Variants in LRCOL1 observed in about 807,000 individuals in gnomAD.
LRCOL1 encodes the protein leucine-rich colipase-like protein 1.
LRCOL1 carries 21 observed loss-of-function variants against 21.6 expected under a neutral mutation model. That is an observed-to-expected ratio of 0.97 (90% CI 0.69 to 1.40). The LOEUF (loss-of-function observed/expected upper bound fraction) is 1.40, where lower values mean the gene tolerates loss of function less well. Ranked by LOEUF, LRCOL1 falls within the 40% of genes most tolerant of loss-of-function variation. The pLI is 0.00. For missense variants in LRCOL1, 198 were observed against 202.3 expected (o/e 0.98, Z 0.13); for synonymous variants, 98 against 90.1 (o/e 1.09, Z -0.49).
In LRCOL1 at chr12:132,606,127, CAG is replaced by C; in HGVS notation, c.105+18_105+19del. ...GCGCGTGTGGGGCCTGCAGGGGCAT[CAG>C]GGGTGCCCGGCACCCACCTTATGGG... On this transcript the variant is annotated intron_variant, in intron 2 of 5. Coordinates refer to ENST00000376608, the MANE Select transcript of LRCOL1 (RefSeq NM_001195520.2). This position sits in a 1 kb window ranked among gnomAD's most constrained non-coding sequence, Gnocchi z 4.6. The C allele has an allele frequency of 6.5e-7, 1 of 1,533,456 alleles. No individual in the cohort carries two copies. The highest frequency in any genetic ancestry group is 8.7e-7 in the Non-Finnish European group (1 of 1,144,526). 95.0% of individuals were successfully genotyped at this position (1,533,456 alleles called of 1,614,324 possible). A position where few individuals can be genotyped will look rare whatever the true frequency, so the allele number is the denominator to read the frequency against.
rs994030696 is a variant in LRCOL1 at position 132,604,445 on chromosome 12, G to A, written c.354+17C>T. On this transcript the variant is annotated intron_variant, in intron 4 of 5. Transcript: ENST00000376608. Reference sequence around the variant, plus strand: ...CGGCTACCCCTGCTCCATCTGCCCCGGGTGCCCGCAGCTCACCTTGCGCCA... The same window carrying A: ...CGGCTACCCCTGCTCCATCTGCCCCAGGTGCCCGCAGCTCACCTTGCGCCA... The A allele has an allele frequency of 6.5e-6, 10 of 1,528,488 alleles. No homozygotes were observed. In the African/African-American group the frequency reaches 8.7e-5, roughly 13 times the overall value. 94.7% of individuals were successfully genotyped at this position (1,528,488 alleles called of 1,614,324 possible).
intron 2 of LRCOL1, chr12:132,605,914 C>T (rs933596073): frequency 3.0e-5 from 16 of 539,394 alleles, no homozygotes; most frequent in African/African-American, 2.3e-4. Flanking sequence ...CTGGGGTCGC[C>T]GTCCCATAGC....
chr12:132,606,873 T>A lies in LRCOL1; in HGVS notation c.-13-609A>T, dbSNP rs1159917168. On this transcript the variant is annotated intron_variant, in intron 1 of 5. Coordinates refer to ENST00000376608, the MANE Select transcript of LRCOL1 (RefSeq NM_001195520.2). This position sits in a 1 kb window ranked among gnomAD's most constrained non-coding sequence, Gnocchi z 4.6. ...TCGTGGCATAATGACTCATTTCTTT[T>A]TAGCACTGCATGGAAAATGGATTTT... Among the ~76,000 whole-genome samples, 2 of 133,496 alleles carry A rather than the reference T, an allele frequency of 1.5e-5. No homozygotes were observed. The highest frequency in any genetic ancestry group is 5.0e-5 in the African/African-American group (2 of 40,224). The allele number at this position is 133,496 out of a possible 152,430, so 87.6% of individuals were successfully genotyped here. A position where few individuals can be genotyped will look rare whatever the true frequency, so the allele number is the denominator to read the frequency against.
chr12:132,604,797 C>A lies in LRCOL1; in HGVS notation c.140G>T (p.Cys47Phe), dbSNP rs1345192228. ...GTTGATGGTACAGCAGTTGCTCTGG[C>A]ACTCCTCGTGTCTCCTGCATGGCTC... Reference protein sequence around the residue: ...IGEPCRRHEECQSNCCTINSL... With the variant: ...IGEPCRRHEEFQSNCCTINSL... The change falls in exon 3 of 6, where the codon TGC becomes TTC. Residue 47 changes from cysteine (C) to phenylalanine (F), a missense_variant. Cys to Phe is a radical substitution (Grantham distance 205, BLOSUM62 -2). Coordinates refer to ENST00000376608, the MANE Select transcript of LRCOL1 (RefSeq NM_001195520.2). 1 of 1,536,026 alleles carries A rather than the reference C, an allele frequency of 6.5e-7. No individual in the cohort carries two copies. Among genetic ancestry groups the A allele is most frequent in the East Asian group, 2.4e-5 (1 of 40,924 alleles).
intron 2 of LRCOL1, 187 bp from the exon 3 acceptor site, chr12:132,605,018 G>A (rs2041285801): frequency 7.0e-6 from 10 of 1,421,666 alleles, no homozygotes; most frequent in Non-Finnish European, 9.2e-6. Flanking sequence ...GGGGCCCGGG[G>A]CTGAGAAAGG....
chr12:132,603,467 G>T (rs2041252417), intron 5 of LRCOL1, 63 bp from the exon 6 acceptor site: 1 of 1,535,746 alleles, frequency 6.5e-7, no homozygotes, highest in Non-Finnish European at 8.7e-7. Flanking sequence ...GCCGCGGAAG[G>T]AGGACGGGAA....
At chr12:132,605,970 C>G in intron 2 of LRCOL1, 177 bp downstream of exon 2, 1 of 621,654 alleles carries the variant, frequency 1.6e-6, no homozygotes, top group Non-Finnish European at 2.8e-6. Flanking sequence ...GCCAGGAGAG[C>G]GAGTGCAGCC....
chr12:132,608,822 A>G (rs960678325), intron 1 of LRCOL1, among the ~76,000 whole-genome samples: 1 of 152,186 alleles, frequency 6.6e-6, no homozygotes, highest in Admixed American at 6.5e-5. Context: ...TCTTTCCTGT[A>G]CTTGGAACCA....
rs1294683844 is a variant in LRCOL1, at chr12:132,605,155, G to A, written c.106-324C>T. The A allele has an allele frequency of 3.5e-6, 4 of 1,150,096 alleles. No individual in the cohort carries two copies. The South Asian group carries it at 6.7e-5, about 19-fold the overall frequency. 71.2% of individuals were successfully genotyped at this position (1,150,096 alleles called of 1,614,324 possible). ...TGGCATTTTACAGGAGAAGAAACAG[G>A]CTCAGGGAAGGCGAGCAAGGTGCCC... On this transcript the variant is annotated intron_variant, in intron 2 of 5. Transcript: ENST00000376608.
rs2041251344 is a variant in LRCOL1 at position 132,603,420 on chromosome 12, A to G, written c.478-16T>C. 1 of 1,536,074 alleles carries G rather than the reference A, an allele frequency of 6.5e-7. No homozygotes were observed. The highest frequency in any genetic ancestry group is 2.0e-5 in the Admixed American group (1 of 50,986). On this transcript the variant is annotated splice_polypyrimidine_tract_variant and intron_variant, in intron 5 of 5. Transcript: ENST00000376608. ...GCTCACATCACTGAAGGAGAAGCCA[A>G]AGCTGAGGAAACGTGCAGGGGACGG...
Position 132,603,331 on chromosome 12 carries a change from C to G in LRCOL1, c.*71G>C. The G allele has an allele frequency of 2.0e-6, 3 of 1,531,948 alleles. No individual in the cohort carries two copies. The highest frequency in any genetic ancestry group is 2.6e-6 in the Non-Finnish European group (3 of 1,143,548). The allele number at this position is 1,531,948 out of a possible 1,614,324, so 94.9% of individuals were successfully genotyped here. On this transcript the variant is annotated 3_prime_UTR_variant, in exon 6 of 6. Transcript: ENST00000376608. Reference sequence around the variant, plus strand: ...GGGAAGCTTCCGCTGGAACCAGCCCCCGCGCAACGCGGTCCTGCGTGAACA... The same window carrying G: ...GGGAAGCTTCCGCTGGAACCAGCCCGCGCGCAACGCGGTCCTGCGTGAACA...
At chr12:132,607,533 C>T (rs1187311055) in intron 1 of LRCOL1, among the ~76,000 whole-genome samples, 1 of 152,264 alleles carries the variant, frequency 6.6e-6, no homozygotes, top group African/African-American at 2.4e-5. Flanking sequence ...TGTGAGACCA[C>T]ATATCACTCA....
At chr12:132,608,871 C>G (rs1169160156) in intron 1 of LRCOL1, among the ~76,000 whole-genome samples, 1 of 152,186 alleles carries the variant, frequency 6.6e-6, no homozygotes, top group East Asian at 1.9e-4. Flanking sequence ...TTTCGTAGGT[C>G]CTTGCAAAGT....
At chr12:132,609,653 C>T (rs188809051) in intron 1 of LRCOL1, among the ~76,000 whole-genome samples, 2 of 152,268 alleles carry the variant, frequency 1.3e-5, no homozygotes, top group Admixed American at 6.5e-5. Flanking sequence ...GCCGAGATCA[C>T]ACCACTACAT....
At position 132,604,466 on chromosome 12, in the gene LRCOL1, C is replaced by G. The variant is rs756009698; in HGVS notation, c.350G>C (p.Arg117Pro). 5.2e-6 allele frequency: 8 copies of G among 1,535,134 alleles called. No homozygotes were observed. The Admixed American group carries it at 1.4e-4, about 26-fold the overall frequency. Residue 117 changes from arginine (R) to proline (P), a missense_variant, in exon 4 of 6, where the codon CGC becomes CCC. Coordinates refer to ENST00000376608, the MANE Select transcript of LRCOL1 (RefSeq NM_001195520.2). Reference protein sequence around the residue: ...QSVFLQCVPWRKPNGDFCSSH... With the variant: ...QSVFLQCVPWPKPNGDFCSSH... ...CCCCGGGTGCCCGCAGCTCACCTTG[C>G]GCCAGGGCACACACTGCAGGAAGAC... is the stretch of plus-strand genomic sequence containing the variant.
At chr12:132,603,766 ACCTGGCCCCCTCC>A in intron 5 of LRCOL1, 1 of 985,324 alleles carries the variant, frequency 1.0e-6, no homozygotes, top group Non-Finnish European at 1.2e-6. Flanking sequence ...GCCGCTGGCG[ACCTGGCCCCCTCC>A]CCTGGCCCCA....
At chr12:132,608,771 G>T (rs1007367751) in intron 1 of LRCOL1, among the ~76,000 whole-genome samples, 24 of 152,206 alleles carry the variant, frequency 1.6e-4, no homozygotes, top group African/African-American at 5.5e-4. Flanking sequence ...AAGCTAAATT[G>T]AATCACAACT....
intron 2 of LRCOL1, 170 bp from the exon 3 acceptor site, chr12:132,605,001 A>G: frequency 3.5e-6 from 5 of 1,433,308 alleles, no homozygotes; most frequent in Non-Finnish European, 4.6e-6. Context: ...CTGGCAGGTC[A>G]GTGCTGGGGG....
At chr12:132,603,592 G>A (rs2041255833) in intron 5 of LRCOL1, 188 bp from the exon 6 acceptor site, 5 of 984,536 alleles carry the variant, frequency 5.1e-6, no homozygotes, top group South Asian at 9.4e-5. Flanking sequence ...CCAGGCGCCC[G>A]GAGCTGCTCC....
Sources: allele counts gnomAD v4.1 joint callset (sites outside exome capture counted in the v4.1 genomes callset), GRCh38; gene constraint gnomAD v4.1.1; non-coding constraint Gnocchi (gnomAD v3.1); transcripts MANE v1.5; gene names NCBI Gene and HGNC (gene_info 2026-07-23, HGNC 2026-07-21).